Variants in AGXT2 observed in about 807,000 individuals in gnomAD.
AGXT2 encodes alanine--glyoxylate aminotransferase 2.
A neutral mutation model predicts 62.5 loss-of-function variants in AGXT2; 61 were observed. That is an observed-to-expected ratio of 0.98 (90% CI 0.79 to 1.21). AGXT2 has a LOEUF of 1.21. AGXT2 is among the 50% of genes most tolerant of loss of function. The pLI is 0.00. For missense variants in AGXT2, 666 were observed against 641.5 expected (o/e 1.04, Z -0.41); for synonymous variants, 243 against 218.7 (o/e 1.11, Z -0.98).
At chr5:35,012,722 T>A (rs930134155) in intron 11 of AGXT2, 1 of 518,488 alleles carries the variant, frequency 1.9e-6, no homozygotes, top group African/African-American at 1.9e-5. Flanking sequence ...ATATTTCCCA[T>A]GTATGTGAGG....
At chr5:35,043,346 G>A (rs1013703693) in intron 1 of AGXT2, among the ~76,000 whole-genome samples, 3 of 152,106 alleles carry the variant, frequency 2.0e-5, no homozygotes, top group African/African-American at 7.2e-5. Flanking sequence ...ATATGCAGTG[G>A]ACACAGTGTG....
chr5:35,010,996 A>G (rs988348765), intron 11 of AGXT2, among the ~76,000 whole-genome samples: 2 of 152,212 alleles, frequency 1.3e-5, no homozygotes, highest in East Asian at 1.9e-4. Context: ...TTTTTACCTC[A>G]GTTTTACTTA....
intron 13 of AGXT2, among the ~76,000 whole-genome samples, chr5:34,999,704 CCTCT>C (rs1305797068): frequency 1.3e-5 from 2 of 152,170 alleles, no homozygotes; most frequent in African/African-American, 4.8e-5. Context: ...TGCGCCTCTC[CCTCT>C]ATTTCATAGA....
At chr5:35,020,312 C>A (rs1485075621) in intron 9 of AGXT2, among the ~76,000 whole-genome samples, 5 of 152,126 alleles carry the variant, frequency 3.3e-5, no homozygotes, top group Non-Finnish European at 2.9e-5. Context: ...AACATTGATG[C>A]AAAAATCCTC....
chr5:35,016,670 A>C, intron 9 of AGXT2, among the ~76,000 whole-genome samples: 1 of 151,980 alleles, frequency 6.6e-6, no homozygotes. Context: ...CCCCCAAATA[A>C]AGTGGTCTTC....
intron 9 of AGXT2, among the ~76,000 whole-genome samples, chr5:35,017,577 C>T (rs112134792): frequency 2.1e-4 from 32 of 152,298 alleles, no homozygotes; most frequent in Admixed American, 9.8e-4. Context: ...TTCTGCATTC[C>T]GCCATGATTG....
intron 5 of AGXT2, among the ~76,000 whole-genome samples, chr5:35,034,321 A>T (rs1310385294): frequency 6.6e-6 from 1 of 152,162 alleles, no homozygotes; most frequent in Non-Finnish European, 1.5e-5. Context: ...CGACACACAT[A>T]TTCTGGAATG....
At chr5:35,046,485 C>A (rs1319934074) in intron 1 of AGXT2, among the ~76,000 whole-genome samples, 1 of 152,124 alleles carries the variant, frequency 6.6e-6, no homozygotes, top group Admixed American at 6.5e-5. Flanking sequence ...GTCAGATAGA[C>A]CTGGCTTTGA....
At chr5:35,039,252 C>G in intron 3 of AGXT2, 72 bp downstream of exon 3, 2 of 1,516,150 alleles carry the variant, frequency 1.3e-6, no homozygotes, top group Non-Finnish European at 1.8e-6. Context: ...ATCAAGAGTT[C>G]AGAGTCACTA....
chr5:35,040,819 T>C (rs1440793061), intron 1 of AGXT2, among the ~76,000 whole-genome samples, 156 bp from the exon 2 acceptor site: 2 of 152,162 alleles, frequency 1.3e-5, no homozygotes, highest in Non-Finnish European at 2.9e-5. Context: ...AAAATCTGAG[T>C]ATCTCAATAA....
At chr5:35,021,885 C>T (rs1386426325) in intron 9 of AGXT2, among the ~76,000 whole-genome samples, 1 of 152,152 alleles carries the variant, frequency 6.6e-6, no homozygotes, top group Non-Finnish European at 1.5e-5. Flanking sequence ...AAGAAAAAAA[C>T]AAACTACCCC....
rs1272887195 is a variant in AGXT2 at position 35,019,950 on chromosome 5, T to C, written c.963+5813A>G. On this transcript the variant is annotated intron_variant, in intron 9 of 13. Transcript: ENST00000231420. ...TCAGAGAATACTACAACCACCTCTA[T>C]GCAAATAAACTAGAAAATCTAGAAG... 4.6e-5 allele frequency among the ~76,000 whole-genome samples: 7 copies of C among 152,240 alleles called. No homozygotes were observed. In the East Asian group the frequency reaches 7.7e-4, roughly 17 times the overall value.
intron 13 of AGXT2, among the ~76,000 whole-genome samples, chr5:35,001,315 C>G (rs1229185034): frequency 6.6e-6 from 1 of 152,200 alleles, no homozygotes; most frequent in Non-Finnish European, 1.5e-5. Context: ...TTCATATCCA[C>G]AGTCTGTGCA....
rs372115520 is a variant in AGXT2, at chr5:35,042,315, C to T, written c.89-1652G>A. Among the ~76,000 whole-genome samples, 13 of 150,806 alleles carry T rather than the reference C, an allele frequency of 8.6e-5. No individual in the cohort carries two copies. The East Asian group carries it at 1.2e-3, about 14-fold the overall frequency. ...TGGAGTGAGGGCTTCAAATGAAATA[C>T]GTGAAATTCTGCAAGGAAGAAAGAA... On this transcript the variant is annotated intron_variant, in intron 1 of 13. Coordinates refer to ENST00000231420, the MANE Select transcript of AGXT2 (RefSeq NM_031900.4).
chr5:35,022,590 G>A (rs1267924011), intron 9 of AGXT2, among the ~76,000 whole-genome samples: 2 of 117,852 alleles, frequency 1.7e-5, no homozygotes, highest in African/African-American at 3.1e-5. Context: ...GGGGGAGGGG[G>A]GAGGGATAGC....
chr5:35,036,828 T>C (rs1169930012), intron 4 of AGXT2, 114 bp downstream of exon 4: 1 of 1,522,834 alleles, frequency 6.6e-7, no homozygotes, highest in Non-Finnish European at 9.0e-7. Context: ...CCCATGTCCC[T>C]GCTTCCTAGG....
At chr5:35,021,003 G>A (rs1245415250) in intron 9 of AGXT2, among the ~76,000 whole-genome samples, 4 of 151,944 alleles carry the variant, frequency 2.6e-5, no homozygotes, top group Non-Finnish European at 4.4e-5. Context: ...ATACCTAGGA[G>A]TCCAACTTAC....
intron 4 of AGXT2, 150 bp downstream of exon 4, chr5:35,036,792 G>C: frequency 9.1e-7 from 1 of 1,097,572 alleles, no homozygotes; most frequent in South Asian, 1.3e-5. Flanking sequence ...CACTACAGAT[G>C]TTCAGTGCAC....
intron 9 of AGXT2, among the ~76,000 whole-genome samples, chr5:35,024,041 C>T (rs1011767518): frequency 6.6e-6 from 1 of 152,100 alleles, no homozygotes; most frequent in African/African-American, 2.4e-5. Context: ...TACAGGCATG[C>T]ACTACCACAC....
Sources: allele counts gnomAD v4.1 joint callset (sites outside exome capture counted in the v4.1 genomes callset), GRCh38; gene constraint gnomAD v4.1.1; transcripts MANE v1.5; gene names NCBI Gene and HGNC (gene_info 2026-07-23, HGNC 2026-07-21).